Variants in UBE2V2 observed in about 807,000 individuals in gnomAD.
The protein encoded by UBE2V2 is ubiquitin-conjugating enzyme E2 variant 2.
Under a neutral mutation model 17.2 loss-of-function variants are expected in UBE2V2, and 9 were observed. The ratio of observed to expected loss-of-function variants is 0.52; its 90% CI spans 0.32 to 0.91. The LOEUF is 0.91. Ranked by LOEUF, UBE2V2 falls within the 40% of genes least tolerant of loss-of-function variation. The probability of loss-of-function intolerance (pLI) is 0.04; values close to 1 mark genes in which losing one functional copy is unlikely to be tolerated. For missense variants in UBE2V2, 133 were observed against 182.6 expected (o/e 0.73, Z 1.56); for synonymous variants, 61 against 57.5 (o/e 1.06, Z -0.28).
intron 3 of UBE2V2, chr8:48,050,241 T>A (rs753118469): frequency 5.1e-5 from 10 of 196,950 alleles, no homozygotes; most frequent in Non-Finnish European, 9.2e-5. Flanking sequence ...TTTTTTCTTT[T>A]CTTTTTTTTT....
At chr8:48,046,651 G>A (rs2091501460) in intron 2 of UBE2V2, among the ~76,000 whole-genome samples, 1 of 152,196 alleles carries the variant, frequency 6.6e-6, no homozygotes, top group Non-Finnish European at 1.5e-5. Flanking sequence ...CCAGGCTGGA[G>A]TGTAGTGGCC....
Position 48,064,484 on chromosome 8 carries a change from A to G in UBE2V2, c.*3656A>G, listed in dbSNP as rs1053592931. 2 of 152,232 alleles carry G rather than the reference A, an allele frequency of 1.3e-5. No individual in the cohort carries two copies. The highest frequency in any genetic ancestry group is 4.8e-5 in the African/African-American group (2 of 41,466). The allele number at this position is 152,232 out of a possible 1,614,324, so 9.4% of individuals were successfully genotyped here. The stretch of plus-strand genomic sequence containing the variant: ...GAGTTTACTGTAAAATAGGAAATGC[A>G]TAGGAAGGAATACCTCCTAAATAAT... On this transcript the variant is annotated 3_prime_UTR_variant, in exon 4 of 4. Transcript: ENST00000523111.
intron 3 of UBE2V2, among the ~76,000 whole-genome samples, chr8:48,053,027 C>T (rs780237501): frequency 2.0e-5 from 3 of 152,134 alleles, no homozygotes; most frequent in Non-Finnish European, 4.4e-5. Flanking sequence ...CTGCCTTAGC[C>T]TCCCAAGTAG....
At chr8:48,010,066 A>G (rs1264712344) in intron 1 of UBE2V2, among the ~76,000 whole-genome samples, 2 of 152,186 alleles carry the variant, frequency 1.3e-5, no homozygotes, top group African/African-American at 4.8e-5. Flanking sequence ...ATTAAACACA[A>G]TTTTTTCATA....
At chr8:48,044,163 G>C (rs565131041) in intron 2 of UBE2V2, among the ~76,000 whole-genome samples, 64 of 152,064 alleles carry the variant, frequency 4.2e-4, no homozygotes, top group Non-Finnish European at 7.4e-4. Flanking sequence ...TGATGATGAT[G>C]ATGATGATGA....
At chr8:48,056,436 C>G (rs750377908) in intron 3 of UBE2V2, among the ~76,000 whole-genome samples, 2 of 152,128 alleles carry the variant, frequency 1.3e-5, no homozygotes, top group Non-Finnish European at 2.9e-5. Context: ...AGACAGTTTT[C>G]TAAAGTGAAT....
chr8:48,008,427 G>C (rs1346788040), upstream of UBE2V2: 1 of 1,561,962 alleles, frequency 6.4e-7, no homozygotes, highest in Non-Finnish European at 8.6e-7. Context: ...GCGTGCGTGC[G>C]GGCGGCTGCG....
At chr8:48,053,830 GT>G (rs1338790228) in intron 3 of UBE2V2, among the ~76,000 whole-genome samples, 1 of 144,138 alleles carries the variant, frequency 6.9e-6, no homozygotes, top group Non-Finnish European at 1.5e-5. Flanking sequence ...TTGAGATGAG[GT>G]TTTGCTCTTG....
chr8:48,033,565 G>C (rs2091399209), intron 1 of UBE2V2, among the ~76,000 whole-genome samples: 1 of 152,026 alleles, frequency 6.6e-6, no homozygotes, highest in Non-Finnish European at 1.5e-5. Context: ...ATAGGAAAAT[G>C]GTTACTATAG....
At position 48,058,099 on chromosome 8, in the gene UBE2V2, C is replaced by T. The variant is rs1049953619; in HGVS notation, c.292-2583C>T. Among the ~76,000 whole-genome samples the T allele has an allele frequency of 3.3e-5, 5 of 151,918 alleles. 1 individual carries two copies. The highest frequency in any genetic ancestry group is 4.1e-4 in the South Asian group (2 of 4,824). On this transcript the variant is annotated intron_variant, in intron 3 of 3. Transcript: ENST00000523111. Reference sequence around the variant, plus strand: ...CTGTAATCCCAGTGGTTTGTGAGGCCGAGGTGTGCAGATCCCTTGAGCCCA... The same window carrying T: ...CTGTAATCCCAGTGGTTTGTGAGGCTGAGGTGTGCAGATCCCTTGAGCCCA...
chr8:48,051,513 C>T (rs1451246136), intron 3 of UBE2V2, among the ~76,000 whole-genome samples: 1 of 152,078 alleles, frequency 6.6e-6, no homozygotes, highest in Non-Finnish European at 1.5e-5. Flanking sequence ...CATCTGTTTA[C>T]CATCTGTTAA....
intron 1 of UBE2V2, among the ~76,000 whole-genome samples, chr8:48,012,928 C>T (rs1221091047): frequency 1.3e-5 from 2 of 151,850 alleles, no homozygotes; most frequent in Non-Finnish European, 2.9e-5. Context: ...TCACTGCAAC[C>T]TCTGCCTCCT....
At chr8:48,005,187 G>A (rs2091176044), upstream of UBE2V2, among the ~76,000 whole-genome samples, 1 of 151,376 alleles carries the variant, frequency 6.6e-6, no homozygotes, top group Non-Finnish European at 1.5e-5. Flanking sequence ...ACCCCTGACA[G>A]GCCCCAGTGT....
At chr8:48,049,617 A>T in intron 2 of UBE2V2, 1 of 303,272 alleles carries the variant, frequency 3.3e-6, no homozygotes, top group Non-Finnish European at 6.0e-6. Flanking sequence ...TTGTAGAATT[A>T]ATTTTGTAAA....
intron 3 of UBE2V2, among the ~76,000 whole-genome samples, chr8:48,059,180 C>A (rs1563861765): frequency 6.6e-6 from 1 of 151,984 alleles, no homozygotes; most frequent in Non-Finnish European, 1.5e-5. Context: ...GGCAATCCGC[C>A]CGCCTCGGCC....
chr8:48,048,066 C>G lies in UBE2V2; in HGVS notation c.166-1787C>G, dbSNP rs185890812. Among the ~76,000 whole-genome samples, 101 of 148,484 alleles carry G rather than the reference C, an allele frequency of 6.8e-4. 1 individual carries two copies. The highest frequency in any genetic ancestry group is 2.2e-3 in the African/African-American group (90 of 40,122). On this transcript the variant is annotated intron_variant, in intron 2 of 3. Transcript: ENST00000523111. ...ACATGTAGTGAAATGCACAGATGTG[C>G]CATGAGTTTGACAAATGTAGCTTGT...
Position 48,063,568 on chromosome 8 carries a change from A to G in UBE2V2, c.*2740A>G, listed in dbSNP as rs1453273679. On this transcript the variant is annotated 3_prime_UTR_variant, in exon 4 of 4. Transcript: ENST00000523111. ...CTTCTTGTCCTGTTAGGTCAGTGTTATGATTTAATGGTTTTAATTACTTAA... is the reference window on the plus strand; with the variant it reads ...CTTCTTGTCCTGTTAGGTCAGTGTTGTGATTTAATGGTTTTAATTACTTAA... The G allele has an allele frequency of 1.3e-5, 2 of 152,232 alleles. No individual in the cohort carries two copies. Among genetic ancestry groups the G allele is most frequent in the African/African-American group, 4.8e-5 (2 of 41,462 alleles). The allele number at this position is 152,232 out of a possible 1,614,324, so 9.4% of individuals were successfully genotyped here.
chr8:48,041,658 T>C (rs987092937), intron 1 of UBE2V2: 2 of 152,282 alleles, frequency 1.3e-5, no homozygotes, highest in East Asian at 3.9e-4. Flanking sequence ...CCTTTGCATA[T>C]ACACGAAAGC....
chr8:47,999,668 C>T, the UBE2V2 span, among the ~76,000 whole-genome samples: 6 of 152,036 alleles, frequency 3.9e-5, no homozygotes, highest in African/African-American at 1.4e-4. Context: ...CCCAGACTTC[C>T]CTATTATCTA....
Sources: gnomAD v4.1 joint callset for allele counts (sites outside exome capture counted in the v4.1 genomes callset) on GRCh38, gnomAD v4.1.1 for gene constraint, MANE v1.5 for transcripts, NCBI Gene and HGNC (gene_info 2026-07-23, HGNC 2026-07-21) for gene names.